Variants in PDGFRB observed in about 807,000 individuals in gnomAD.
PDGFRB encodes platelet-derived growth factor receptor beta.
A neutral mutation model predicts 120.2 loss-of-function variants in PDGFRB; 42 were observed. The observed-to-expected ratio is 0.35, with a 90% CI of 0.27 to 0.45. The LOEUF is 0.45. PDGFRB is among the 20% of genes least tolerant of loss of function. The probability of loss-of-function intolerance (pLI) is 1.00; values close to 1 mark genes in which losing one functional copy is unlikely to be tolerated. For missense variants in PDGFRB, 1,149 were observed against 1,476.3 expected (o/e 0.78, Z 3.63); for synonymous variants, 586 against 606.8 (o/e 0.97, Z 0.50).
At chr5:150,144,877 T>A (rs1760877752) in intron 1 of PDGFRB, among the ~76,000 whole-genome samples, 1 of 152,192 alleles carries the variant, frequency 6.6e-6, no homozygotes, top group Admixed American at 6.5e-5. Flanking sequence ...TTCCTGGCCC[T>A]GAGTCCCCCC....
intron 1 of PDGFRB, among the ~76,000 whole-genome samples, chr5:150,147,023 G>T (rs920020637): frequency 6.6e-6 from 1 of 152,336 alleles, no homozygotes; most frequent in East Asian, 1.9e-4. Context: ...ACACAAGGCT[G>T]AGGAGAGAGT....
At chr5:150,147,763 G>A (rs1166904728) in intron 1 of PDGFRB, among the ~76,000 whole-genome samples, 2 of 152,148 alleles carry the variant, frequency 1.3e-5, no homozygotes, top group African/African-American at 4.8e-5. Context: ...ACCCCTCTGT[G>A]CCTCAGTTTT....
rs2113880639 is a variant in PDGFRB at position 150,116,095 on chromosome 5, C to T, written c.3138-149G>A. ...AACTCTTGTGAAAACTATGCAAGGC[C>T]TGCACCGTGAGGAAAGTGTGGCTCA... On this transcript the variant is annotated intron_variant, in intron 22 of 22. Transcript: ENST00000261799. The T allele has an allele frequency of 6.3e-6, 4 of 635,590 alleles. No individual in the cohort carries two copies. In the East Asian group the frequency reaches 1.3e-4, roughly 20 times the overall value. The allele number at this position is 635,590 out of a possible 1,614,324, so 39.4% of individuals were successfully genotyped here.
rs1360790058 is a variant in PDGFRB at position 150,121,156 on chromosome 5, A to T, written c.2463+48T>A. On this transcript the variant is annotated intron_variant, in intron 17 of 22. Transcript: ENST00000261799. This position sits in a 1 kb window ranked among gnomAD's most constrained non-coding sequence, Gnocchi z 4.1. Reference sequence around the variant, plus strand: ...TTGGAGGATGCTGGCTGGCTGGGTGACCCACCTCCCCACAGCCCCCACTCT... The same window carrying T: ...TTGGAGGATGCTGGCTGGCTGGGTGTCCCACCTCCCCACAGCCCCCACTCT... 7.6e-7 allele frequency: 1 copy of T among 1,310,074 alleles called. No individual in the cohort carries two copies. 81.2% of individuals were successfully genotyped at this position (1,310,074 alleles called of 1,614,324 possible).
chr5:150,131,680 A>G (rs901599832), intron 8 of PDGFRB, among the ~76,000 whole-genome samples: 1 of 152,174 alleles, frequency 6.6e-6, no homozygotes, highest in African/African-American at 2.4e-5. Context: ...ATAAATACCT[A>G]TCGAGTTAAT....
Position 150,120,519 on chromosome 5 carries a change from C to T in PDGFRB, c.2586+369G>A, listed in dbSNP as rs1228252216. Among the ~76,000 whole-genome samples, 2 of 152,192 alleles carry T rather than the reference C, an allele frequency of 1.3e-5. No individual in the cohort carries two copies. The highest frequency in any genetic ancestry group is 3.8e-4 in the East Asian group (2 of 5,200). On this transcript the variant is annotated intron_variant, in intron 18 of 22. Coordinates refer to ENST00000261799, the MANE Select transcript of PDGFRB (RefSeq NM_002609.4). This position sits in a 1 kb window ranked among gnomAD's most constrained non-coding sequence, Gnocchi z 4.3. ...AGATGAGAGACAGGCAGGATGATCA[C>T]GTTTTAACCAGACCAATCCCTGCTA...
chr5:150,138,361 C>G (rs1562016659), intron 1 of PDGFRB, among the ~76,000 whole-genome samples: 1 of 152,222 alleles, frequency 6.6e-6, no homozygotes, highest in Non-Finnish European at 1.5e-5. Flanking sequence ...CAGCATGCCA[C>G]CTCTTGTGCC....
At chr5:150,117,578 A>ACACT in intron 22 of PDGFRB, 40 bp downstream of exon 22, 1 of 1,071,276 alleles carries the variant, frequency 9.3e-7, no homozygotes, top group Middle Eastern at 2.5e-4. Flanking sequence ...ACACACACAC[A>ACACT]CTGTGCACAA....
chr5:150,137,261 G>C (rs1180426530), intron 1 of PDGFRB: 5 of 543,254 alleles, frequency 9.2e-6, no homozygotes, highest in African/African-American at 5.8e-5. Flanking sequence ...CTTAGCCTTG[G>C]GGTCCTGGCC....
At position 150,134,744 on chromosome 5, in the gene PDGFRB, G is replaced by T. The variant is rs1357825700; in HGVS notation, c.631+6C>A. ...TGCTGAGCATCAGGCCAGAAAGGGG[G>T]CTCACCCTGGAGTCTGTAGACATAG... On this transcript the variant is annotated splice_donor_region_variant and intron_variant, in intron 4 of 22. Coordinates refer to ENST00000261799, the MANE Select transcript of PDGFRB (RefSeq NM_002609.4). 6.2e-7 allele frequency: 1 copy of T among 1,604,262 alleles called. No individual in the cohort carries two copies. Among genetic ancestry groups the T allele is most frequent in the Non-Finnish European group, 8.5e-7 (1 of 1,174,930 alleles).
rs1200656124 is a variant in PDGFRB at position 150,121,522 on chromosome 5, A to C, written c.2345-200T>G. On this transcript the variant is annotated intron_variant, in intron 16 of 22. Coordinates refer to ENST00000261799, the MANE Select transcript of PDGFRB (RefSeq NM_002609.4). This position sits in a 1 kb window ranked among gnomAD's most constrained non-coding sequence, Gnocchi z 4.1. The stretch of plus-strand genomic sequence containing the variant: ...TCAGTGCCCTCATTGGCCTTTTGGC[A>C]TTAGCCCTTGGGCCACTTTTGCCCA... Among the ~76,000 whole-genome samples the C allele has an allele frequency of 2.0e-5, 3 of 152,240 alleles. No homozygotes were observed. Among genetic ancestry groups the C allele is most frequent in the African/African-American group, 7.2e-5 (3 of 41,464 alleles).
chr5:150,119,627 C>CTTT (rs1378331946), intron 19 of PDGFRB, 61 bp from the exon 20 acceptor site: 2 of 993,934 alleles, frequency 2.0e-6, no homozygotes, highest in Non-Finnish European at 3.3e-6. Context: ...GCAGGGCACC[C>CTTT]TCTTCTACAG....
In PDGFRB at chr5:150,135,031, G is replaced by A. The variant is rs149856504; in HGVS notation, c.365-15C>T. The A allele has an allele frequency of 1.0e-4, 142 of 1,371,334 alleles. 1 individual carries two copies. The East Asian group carries it at 3.0e-3, about 29-fold the overall frequency. The allele number at this position is 1,371,334 out of a possible 1,614,324, so 84.9% of individuals were successfully genotyped here. Reference sequence around the variant, plus strand: ...CACGGTGGGATCTGCCAGGAGTGGAGCCGTGAATAAATCAGGGGAACTGGG... The same window carrying A: ...CACGGTGGGATCTGCCAGGAGTGGAACCGTGAATAAATCAGGGGAACTGGG... On this transcript the variant is annotated splice_polypyrimidine_tract_variant and intron_variant, in intron 3 of 22. Transcript: ENST00000261799.
At chr5:150,151,981 C>T (rs1431688770) in intron 1 of PDGFRB, among the ~76,000 whole-genome samples, 2 of 151,652 alleles carry the variant, frequency 1.3e-5, no homozygotes, top group Non-Finnish European at 2.9e-5. Context: ...CGCTTAGGCT[C>T]ACTGCAATCT....
At chr5:150,128,279 C>T (rs922540712) in intron 10 of PDGFRB, among the ~76,000 whole-genome samples, 47 of 152,258 alleles carry the variant, frequency 3.1e-4, no homozygotes, top group African/African-American at 1.1e-3. Flanking sequence ...CCCAGATACC[C>T]ACTTGCTCAG....
At chr5:150,117,564 A>G (rs1400131884) in intron 22 of PDGFRB, 54 bp downstream of exon 22, 36 of 973,172 alleles carry the variant, frequency 3.7e-5, no homozygotes, top group African/African-American at 6.5e-5. Flanking sequence ...ACACACACAC[A>G]CACACACACA....
rs1760256723 is a variant in PDGFRB at position 150,125,014 on chromosome 5, C to T, written c.1808-183G>A. ...TAAACCACCTTGGACTCAGGATATT[C>T]CCTAAACACACTCCTGCAACCACAA... On this transcript the variant is annotated intron_variant, in intron 12 of 22. Coordinates refer to ENST00000261799, the MANE Select transcript of PDGFRB (RefSeq NM_002609.4). 5.3e-5 allele frequency among the ~76,000 whole-genome samples: 8 copies of T among 151,594 alleles called. No homozygotes were observed. In the Admixed American group the frequency reaches 5.3e-4, roughly 10 times the overall value.
In PDGFRB at chr5:150,133,074, TG is replaced by T. The variant is rs1760518480; in HGVS notation, c.935-133del. 9.0e-6 allele frequency: 6 copies of T among 669,162 alleles called. No homozygotes were observed. The East Asian group carries it at 1.6e-4, about 18-fold the overall frequency. The allele number at this position is 669,162 out of a possible 1,614,324, so 41.5% of individuals were successfully genotyped here. ...GCCATGGAGTTTCCGGAGCTGAGGTTGAAATTGGGCTGGGGACAGGGCCTGG... is the reference window on the plus strand; with the variant it reads ...GCCATGGAGTTTCCGGAGCTGAGGTTAAATTGGGCTGGGGACAGGGCCTGG... On this transcript the variant is annotated intron_variant, in intron 6 of 22. Coordinates refer to ENST00000261799, the MANE Select transcript of PDGFRB (RefSeq NM_002609.4).
intron 22 of PDGFRB, 143 bp from the exon 23 acceptor site, chr5:150,116,089 C>T (rs1048373244): frequency 7.6e-6 from 5 of 657,346 alleles, no homozygotes; most frequent in Non-Finnish European, 1.0e-5. Context: ...GAAAACTATG[C>T]AAGGCCTGCA....
Sources: allele counts gnomAD v4.1 joint callset (sites outside exome capture counted in the v4.1 genomes callset), GRCh38; gene constraint gnomAD v4.1.1; non-coding constraint Gnocchi (gnomAD v3.1); transcripts MANE v1.5; gene names NCBI Gene and HGNC (gene_info 2026-07-23, HGNC 2026-07-21).